The following SORBS2 variants were observed in gnomAD, a reference collection of about 807,000 sequenced individuals.
The protein encoded by SORBS2 is sorbin and SH3 domain-containing protein 2.
A neutral mutation model predicts 97.7 loss-of-function variants in SORBS2; 46 were observed. That is an observed-to-expected ratio of 0.47 (90% confidence interval 0.37 to 0.60). SORBS2 has a LOEUF of 0.60. Among genes scored for constraint, SORBS2 ranks in the 20% least tolerant of loss-of-function variants. The pLI, the probability that SORBS2 is intolerant of heterozygous loss-of-function variation, is 0.00. For synonymous variants in SORBS2, 476 were observed against 473.4 expected, an observed-to-expected ratio of 1.01 and a Z score of -0.07; for missense variants, 1,316 against 1,282.3, an observed-to-expected ratio of 1.03 and a Z score of -0.40.
intron 9 of SORBS2, among the ~76,000 whole-genome samples, chr4:185,617,477 C>T (rs1465451989): frequency 6.6e-6 from 1 of 152,024 alleles, no homozygotes; most frequent in Middle Eastern, 3.4e-3. Context: ...GTTTCTAGAG[C>T]TATTAACTCA....
Position 185,740,880 on chromosome 4 carries a change from C to T in SORBS2, c.-198+34347G>A, listed in dbSNP as rs575961714. Among the ~76,000 whole-genome samples the T allele has an allele frequency of 1.6e-4, 25 of 152,146 alleles. 3 individuals carry two copies. Among genetic ancestry groups the T allele is most frequent in the African/African-American group, 6.0e-4 (25 of 41,522 alleles). On this transcript the variant is annotated intron_variant, in intron 2 of 20. Transcript: ENST00000284776. ...CAGCACCAACTCGAACCAGCACTAACTCGGACCAGCACTAACTCGGACCAG... is the reference window on the plus strand; with the variant it reads ...CAGCACCAACTCGAACCAGCACTAATTCGGACCAGCACTAACTCGGACCAG...
intron 1 of SORBS2, among the ~76,000 whole-genome samples, chr4:185,873,046 T>C (rs2099231295): frequency 6.6e-6 from 1 of 152,200 alleles, no homozygotes; most frequent in African/African-American, 2.4e-5. Flanking sequence ...AGGATGCTTA[T>C]TAAATATTGG....
chr4:185,781,348 T>C (rs546711627), intron 1 of SORBS2, among the ~76,000 whole-genome samples: 238 of 152,356 alleles, frequency 1.6e-3, no homozygotes, highest in Middle Eastern at 3.4e-3. Flanking sequence ...CCATTTGAAA[T>C]TGAGCATATG....
At chr4:185,663,815 G>A (rs1178903501) in intron 4 of SORBS2, among the ~76,000 whole-genome samples, 1 of 148,916 alleles carries the variant, frequency 6.7e-6, no homozygotes, top group Non-Finnish European at 1.5e-5. Flanking sequence ...TTGACTAGGG[G>A]TTAAAAAAGT....
At chr4:185,929,252 C>A (rs970337736) in intron 1 of SORBS2, among the ~76,000 whole-genome samples, 1 of 152,170 alleles carries the variant, frequency 6.6e-6, no homozygotes, top group Non-Finnish European at 1.5e-5. Context: ...ATCTCTGAGA[C>A]AGGTGACCCA....
At chr4:185,801,479 C>T (rs1040077746) in intron 1 of SORBS2, among the ~76,000 whole-genome samples, 4 of 152,172 alleles carry the variant, frequency 2.6e-5, no homozygotes, top group East Asian at 1.9e-4. Flanking sequence ...CACCAACACT[C>T]GTTATCTTTT....
At chr4:185,767,192 T>C (rs2098938864) in intron 2 of SORBS2, among the ~76,000 whole-genome samples, 3 of 152,156 alleles carry the variant, frequency 2.0e-5, no homozygotes, top group Admixed American at 2.0e-4. Context: ...AATGGTTTTC[T>C]TGTTTTATTG....
chr4:185,925,136 T>C (rs189838210), intron 1 of SORBS2, among the ~76,000 whole-genome samples: 1 of 152,360 alleles, frequency 6.6e-6, no homozygotes, highest in Admixed American at 6.5e-5. Flanking sequence ...TGTTTGCATC[T>C]ATGACATTCT....
At chr4:185,617,004 C>A (rs1160135382) in intron 9 of SORBS2, among the ~76,000 whole-genome samples, 1 of 152,212 alleles carries the variant, frequency 6.6e-6, no homozygotes, top group African/African-American at 2.4e-5. Flanking sequence ...CTGCCTTGGC[C>A]TCCCAAAGTG....
chr4:185,848,500 T>C (rs2099215828), intron 1 of SORBS2, among the ~76,000 whole-genome samples: 1 of 152,050 alleles, frequency 6.6e-6, no homozygotes, highest in Non-Finnish European at 1.5e-5. Context: ...TGGATGCAAA[T>C]TTATGAAAGG....
intron 2 of SORBS2, among the ~76,000 whole-genome samples, chr4:185,693,719 A>T (rs561546817): frequency 5.9e-5 from 9 of 152,228 alleles, no homozygotes; most frequent in Non-Finnish European, 1.2e-4. Context: ...CAAATACAGA[A>T]GGTTAACTCT....
At chr4:185,639,151 G>A (rs2097084759) in intron 4 of SORBS2, 116 bp from the exon 14 acceptor site, 2 of 928,398 alleles carry the variant, frequency 2.2e-6, no homozygotes, top group South Asian at 2.0e-5. Flanking sequence ...AGAGGCCTCC[G>A]GACGGCGAAG....
chr4:185,656,474 C>A, intron 1 of SORBS2: 4 of 298,242 alleles, frequency 1.3e-5, no homozygotes, highest in Non-Finnish European at 2.5e-5. Context: ...CTTTCCCATT[C>A]TTTGCCTCTA....
chr4:185,698,583 C>A (rs2098213567), intron 2 of SORBS2, among the ~76,000 whole-genome samples: 1 of 152,100 alleles, frequency 6.6e-6, no homozygotes, highest in Non-Finnish European at 1.5e-5. Context: ...CAGTACCCTG[C>A]TTAATTAAGT....
At chr4:185,778,796 G>A (rs2099013127) in intron 1 of SORBS2, among the ~76,000 whole-genome samples, 1 of 152,132 alleles carries the variant, frequency 6.6e-6, no homozygotes, top group Non-Finnish European at 1.5e-5. Context: ...CCATATTAGA[G>A]GGTATTTACA....
chr4:185,752,043 C>T (rs983857941), intron 2 of SORBS2, among the ~76,000 whole-genome samples: 4 of 151,876 alleles, frequency 2.6e-5, no homozygotes, highest in Non-Finnish European at 4.4e-5. Context: ...CCCAGCAGCA[C>T]GCAAGAAGAT....
At chr4:185,679,599 A>G (rs928556852) in intron 2 of SORBS2, among the ~76,000 whole-genome samples, 1 of 152,180 alleles carries the variant, frequency 6.6e-6, no homozygotes, top group African/African-American at 2.4e-5. Flanking sequence ...TTAAGTCATC[A>G]GCTTGTGTTG....
chr4:185,615,646 C>T (rs1468575119), intron 9 of SORBS2, among the ~76,000 whole-genome samples: 2 of 151,886 alleles, frequency 1.3e-5, no homozygotes, highest in African/African-American at 4.8e-5. Context: ...AACACCAGAA[C>T]AAATTTTATT....
At chr4:185,803,979 A>T (rs1236652118) in intron 1 of SORBS2, among the ~76,000 whole-genome samples, 1 of 152,216 alleles carries the variant, frequency 6.6e-6, no homozygotes, top group Non-Finnish European at 1.5e-5. Flanking sequence ...TAAGTTGCTC[A>T]GAAGGTTAAA....
Sources: gnomAD v4.1 joint callset for allele counts (sites outside exome capture counted in the v4.1 genomes callset) on GRCh38, gnomAD v4.1.1 for gene constraint, MANE v1.5 for transcripts, NCBI Gene and HGNC (gene_info 2026-07-23, HGNC 2026-07-21) for gene names.